Variants in MEF2A observed in about 807,000 individuals in gnomAD.
MEF2A encodes the protein myocyte enhancer factor 2A.
A neutral mutation model predicts 55.8 loss-of-function variants in MEF2A; 28 were observed. The ratio of observed to expected loss-of-function variants is 0.50; its 90% CI spans 0.37 to 0.69. MEF2A has a LOEUF of 0.69. MEF2A is among the 30% of genes least tolerant of loss of function. The pLI is 0.00. For missense variants in MEF2A, 528 were observed against 626.2 expected, an observed-to-expected ratio of 0.84 and a Z score of 1.67; for synonymous variants, 239 against 227.1, an observed-to-expected ratio of 1.05 and a Z score of -0.47.
chr15:99,600,133 A>G (rs923339162), intron 2 of MEF2A, among the ~76,000 whole-genome samples: 1 of 152,194 alleles, frequency 6.6e-6, no homozygotes, highest in African/African-American at 2.4e-5. Flanking sequence ...TATGAGCTAA[A>G]GCACTCATGC....
Position 99,674,595 on chromosome 15 carries a change from C to G in MEF2A, c.593C>G (p.Pro198Arg). ...NVSPGAPQRP[P>R]STGNAGGMLS... ...TCTCCTGGAGCTCCTCAGAGACCAC[C>G]AAGTACTGGCAATGCAGGTATGTAG... Residue 198 changes from proline (P) to arginine (R), a missense_variant, in exon 6 of 12, where the codon CCA (proline) becomes CGA (arginine). Physicochemically the swap from Pro to Arg is moderately radical, Grantham distance 103 (BLOSUM62 -2). Coordinates refer to ENST00000557942, the MANE Select transcript of MEF2A (RefSeq NM_001319206.4). 1 of 1,613,392 alleles carries G rather than the reference C, an allele frequency of 6.2e-7. No homozygotes were observed.
At chr15:99,694,147 C>G (rs2056024976) in intron 8 of MEF2A, among the ~76,000 whole-genome samples, 1 of 152,176 alleles carries the variant, frequency 6.6e-6, no homozygotes, top group Non-Finnish European at 1.5e-5. Flanking sequence ...GTGAGAGTTT[C>G]TAAGACTTTC....
rs137966366 is a variant in MEF2A, at chr15:99,592,545, G to T, written c.-224-5885G>T. 2.0e-3 allele frequency among the ~76,000 whole-genome samples: 311 copies of T among 152,290 alleles called. 2 individuals carry two copies. Among genetic ancestry groups the T allele is most frequent in the Admixed American group, 3.7e-3 (57 of 15,288 alleles). Reference sequence around the variant, plus strand: ...TAGACTGGATAATTTATAAAGAAAAGAGGCTTATTTTGACTCATAGTTCTG... The same window carrying T: ...TAGACTGGATAATTTATAAAGAAAATAGGCTTATTTTGACTCATAGTTCTG... On this transcript the variant is annotated intron_variant, in intron 1 of 11. Coordinates refer to ENST00000557942, the MANE Select transcript of MEF2A (RefSeq NM_001319206.4).
chr15:99,663,147 C>T (rs2048961139), intron 4 of MEF2A, among the ~76,000 whole-genome samples: 1 of 151,852 alleles, frequency 6.6e-6, no homozygotes, highest in South Asian at 2.1e-4. Context: ...GATACTCCAG[C>T]AGTATAGGCT....
chr15:99,596,595 G>C (rs1173895825), intron 1 of MEF2A, among the ~76,000 whole-genome samples: 2 of 152,180 alleles, frequency 1.3e-5, no homozygotes, highest in Non-Finnish European at 2.9e-5. Flanking sequence ...TGGTGTTTCT[G>C]TGGATAAATT....
chr15:99,616,894 A>G (rs552086713), intron 2 of MEF2A, among the ~76,000 whole-genome samples: 1 of 152,300 alleles, frequency 6.6e-6, no homozygotes, highest in African/African-American at 2.4e-5. Flanking sequence ...TCTGAAACAG[A>G]TAATTGGATT....
chr15:99,699,549 A>C (rs2057047803), intron 8 of MEF2A, among the ~76,000 whole-genome samples: 1 of 152,156 alleles, frequency 6.6e-6, no homozygotes, highest in South Asian at 2.1e-4. Flanking sequence ...GCAATTTAGT[A>C]AAAAAAGATT....
chr15:99,590,263 T>C (rs1419583729), intron 1 of MEF2A, among the ~76,000 whole-genome samples: 2 of 151,888 alleles, frequency 1.3e-5, no homozygotes, highest in African/African-American at 2.4e-5. Context: ...TAAAATCTTC[T>C]TTGTCTGATA....
intron 2 of MEF2A, among the ~76,000 whole-genome samples, chr15:99,624,130 T>C (rs1407415268): frequency 2.0e-5 from 3 of 152,168 alleles, no homozygotes; most frequent in Non-Finnish European, 2.9e-5. Context: ...TATCTTTCAT[T>C]TGGGGTTGCT....
rs1445884204 is a variant in MEF2A at position 99,712,727 on chromosome 15, A to T, written c.1474A>T (p.Ser492Cys). The T allele has an allele frequency of 1.3e-5, 21 of 1,564,552 alleles. No homozygotes were observed. Among genetic ancestry groups the T allele is most frequent in the Non-Finnish European group, 1.7e-5 (20 of 1,154,342 alleles). Residue 492 changes from serine to cysteine, a missense_variant, in exon 12 of 12, where the codon AGC (serine) becomes TGC (cysteine). Physicochemically the swap from Ser to Cys is moderately radical, Grantham distance 112 (BLOSUM62 -1). This residue lies in a region of MEF2A where 450 missense variants were observed against 475.3 expected (regional missense o/e 0.95). Coordinates refer to ENST00000557942, the MANE Select transcript of MEF2A (RefSeq NM_001319206.4). This position sits in a 1 kb window ranked among gnomAD's most constrained non-coding sequence, Gnocchi z 4.1. ...ACCCCCAAACACTGAGGACAGAGAA[A>T]GCCCTTCTGTAAAGCGAATGAGGAT... ...GRPPNTEDRE[S>C]PSVKRMRMDA...
intron 7 of MEF2A, among the ~76,000 whole-genome samples, chr15:99,684,562 T>A (rs2053858654): frequency 6.6e-6 from 1 of 152,250 alleles, no homozygotes; most frequent in Non-Finnish European, 1.5e-5. Context: ...ATGGGATTGT[T>A]TTTTTCTTGC....
chr15:99,704,702 G>T (rs945515244), intron 9 of MEF2A, among the ~76,000 whole-genome samples: 3 of 152,184 alleles, frequency 2.0e-5, no homozygotes, highest in Admixed American at 1.3e-4. Context: ...CATGGAGTAG[G>T]TAGGGTCCAG....
intron 8 of MEF2A, among the ~76,000 whole-genome samples, chr15:99,697,352 A>T (rs916749224): frequency 6.6e-5 from 10 of 151,828 alleles, no homozygotes; most frequent in Non-Finnish European, 4.4e-5. Flanking sequence ...AAGAAATTAC[A>T]AAAAAAACTC....
rs181925236 is a variant in MEF2A, at chr15:99,588,679, G to A, written c.-224-9751G>A. Among the ~76,000 whole-genome samples, 151 of 151,960 alleles carry A rather than the reference G, an allele frequency of 9.9e-4. 1 individual carries two copies. Among genetic ancestry groups the A allele is most frequent in the Non-Finnish European group, 1.6e-4 (11 of 67,954 alleles). On this transcript the variant is annotated intron_variant, in intron 1 of 11. Coordinates refer to ENST00000557942, the MANE Select transcript of MEF2A (RefSeq NM_001319206.4). Reference sequence around the variant, plus strand: ...GGCTGTTCTCAAACCCTGGCCTCAGGCAGTTTTCTTGCCTCAGCCTCCCAA... The same window carrying A: ...GGCTGTTCTCAAACCCTGGCCTCAGACAGTTTTCTTGCCTCAGCCTCCCAA...
At chr15:99,613,658 TATC>T (rs1484903882) in intron 2 of MEF2A, among the ~76,000 whole-genome samples, 3 of 152,194 alleles carry the variant, frequency 2.0e-5, no homozygotes, top group African/African-American at 7.2e-5. Flanking sequence ...AGGGAAAGGT[TATC>T]AGCGTTGATA....
chr15:99,594,763 TTG>T lies in MEF2A; in HGVS notation c.-224-3662_-224-3661del, dbSNP rs142755290. 6.6e-3 allele frequency among the ~76,000 whole-genome samples: 1,011 copies of T among 152,304 alleles called. 11 individuals are homozygous for T. The highest frequency in any genetic ancestry group is 0.023 in the African/African-American group (963 of 41,560). On this transcript the variant is annotated intron_variant, in intron 1 of 11. Coordinates refer to ENST00000557942, the MANE Select transcript of MEF2A (RefSeq NM_001319206.4). Reference sequence around the variant, plus strand: ...ATCACATTATTTCTATCTGTGTGATTTGTGTGATATTGTATAATTTTTAGTTC... The same window carrying T: ...ATCACATTATTTCTATCTGTGTGATTTGTGATATTGTATAATTTTTAGTTC...
chr15:99,599,373 T>G (rs1453079416), intron 2 of MEF2A, among the ~76,000 whole-genome samples: 1 of 152,162 alleles, frequency 6.6e-6, no homozygotes, highest in Non-Finnish European at 1.5e-5. Flanking sequence ...GTAAAAATCT[T>G]GGAAAAGGTA....
At chr15:99,608,781 A>T (rs1226380775) in intron 2 of MEF2A, among the ~76,000 whole-genome samples, 1 of 152,040 alleles carries the variant, frequency 6.6e-6, no homozygotes, top group Non-Finnish European at 1.5e-5. Context: ...GGCGTCTGTA[A>T]TCCCAGCTAC....
Position 99,674,477 on chromosome 15 carries a change from A to C in MEF2A, c.475A>C (p.Ser159Arg). 6.2e-7 allele frequency: 1 copy of C among 1,613,952 alleles called. No homozygotes were observed. Among genetic ancestry groups the C allele is most frequent in the Non-Finnish European group, 8.5e-7 (1 of 1,179,876 alleles). The change falls in exon 6 of 12, where the codon AGT (serine) becomes CGT (arginine). Residue 159 changes from serine to arginine, a missense_variant. Ser to Arg is a moderately radical substitution (Grantham distance 110). This residue lies in a region of MEF2A where 450 missense variants were observed against 475.3 expected (regional missense o/e 0.95). Coordinates refer to ENST00000557942, the MANE Select transcript of MEF2A (RefSeq NM_001319206.4). ...PNALSYTNPGSSLVSPSLAAS... is the reference protein window; with the variant it reads ...PNALSYTNPGRSLVSPSLAAS... The stretch of plus-strand genomic sequence containing the variant: ...TGCTTTGTCCTACACTAACCCAGGG[A>C]GTTCACTGGTGTCCCCATCTTTGGC...
Sources: gnomAD v4.1 joint callset for allele counts (sites outside exome capture counted in the v4.1 genomes callset) on GRCh38, gnomAD v4.1.1 for gene constraint, gnomAD v4.1.1 regional missense constraint, Gnocchi (gnomAD v3.1) non-coding constraint, MANE v1.5 for transcripts, NCBI Gene and HGNC (gene_info 2026-07-23, HGNC 2026-07-21) for gene names.